MACROD2: variants seen among roughly 807,000 people sequenced by gnomAD.
MACROD2 encodes mono-ADP ribosylhydrolase 2.
In MACROD2, 36 loss-of-function variants were observed where a neutral mutation model predicts 70.4. The ratio of observed to expected loss-of-function variants is 0.51; its 90% CI spans 0.39 to 0.68. The LOEUF (loss-of-function observed/expected upper bound fraction) is 0.68. MACROD2 is among the 30% of genes least tolerant of loss of function. The probability of loss-of-function intolerance (pLI) is 0.00; values close to 1 mark genes in which losing one functional copy is unlikely to be tolerated. For missense variants in MACROD2, 496 were observed against 538.4 expected (o/e 0.92, Z 0.78); for synonymous variants, 172 against 178.8 (o/e 0.96, Z 0.30).
intron 13 of MACROD2, among the ~76,000 whole-genome samples, chr20:15,979,884 C>T (rs143342587): frequency 6.6e-4 from 101 of 152,176 alleles, no homozygotes; most frequent in African/African-American, 2.3e-3. Flanking sequence ...CAGGACGAGC[C>T]GCAGACAAAA....
chr20:14,147,731 C>T (rs1051802935), intron 3 of MACROD2, among the ~76,000 whole-genome samples: 5 of 152,068 alleles, frequency 3.3e-5, no homozygotes, highest in Admixed American at 2.0e-4. Context: ...TTTCCATGCT[C>T]GAGACTTCCA....
chr20:15,623,724 GT>G (rs796736777), intron 8 of MACROD2, among the ~76,000 whole-genome samples: 36 of 128,908 alleles, frequency 2.8e-4, no homozygotes, highest in African/African-American at 8.3e-4. Flanking sequence ...ATCTATCGAT[GT>G]GTCTATGTAT....
chr20:14,631,164 G>A (rs987757521), intron 4 of MACROD2, among the ~76,000 whole-genome samples: 7 of 152,074 alleles, frequency 4.6e-5, no homozygotes, highest in East Asian at 1.9e-4. Flanking sequence ...GAATGGAATC[G>A]CTGTGCCACA....
At chr20:15,095,476 A>G (rs2075823875) in intron 5 of MACROD2, among the ~76,000 whole-genome samples, 1 of 151,860 alleles carries the variant, frequency 6.6e-6, no homozygotes. Context: ...ACCTCTTTGT[A>G]GAAGATTTAT....
chr20:15,668,165 C>T (rs561153159), intron 8 of MACROD2, among the ~76,000 whole-genome samples: 12 of 152,102 alleles, frequency 7.9e-5, no homozygotes, highest in African/African-American at 2.9e-4. Context: ...GAGGCTGAGG[C>T]AGGAGAATCA....
intron 2 of MACROD2, among the ~76,000 whole-genome samples, chr20:14,057,414 A>G (rs1349092868): frequency 6.6e-6 from 1 of 152,212 alleles, no homozygotes; most frequent in African/African-American, 2.4e-5. Flanking sequence ...CTACATCAGT[A>G]TAAAGGACAG....
At position 15,211,639 on chromosome 20, in the gene MACROD2, A is replaced by T. The variant is rs550632649; in HGVS notation, c.419-18301A>T. 5.3e-5 allele frequency among the ~76,000 whole-genome samples: 8 copies of T among 152,144 alleles called. No homozygotes were observed. In the South Asian group the frequency reaches 1.7e-3, roughly 32 times the overall value. On this transcript the variant is annotated intron_variant, in intron 5 of 17. Transcript: ENST00000684519. ...TCTCTCGTCTCTTACCATGTGGCAT[A>T]CTAGCTCCCCTTTGCCTTCCACCAT...
At chr20:14,560,542 A>C (rs777136841) in intron 4 of MACROD2, among the ~76,000 whole-genome samples, 18 of 151,932 alleles carry the variant, frequency 1.2e-4, no homozygotes, top group Non-Finnish European at 2.4e-4. Context: ...AAAATGTCAC[A>C]ACTCATTTTA....
chr20:15,360,592 G>C (rs2078340804), intron 6 of MACROD2, among the ~76,000 whole-genome samples: 2 of 151,726 alleles, frequency 1.3e-5, no homozygotes, highest in African/African-American at 4.8e-5. Context: ...CTTAACTTTT[G>C]GTTGCTGCTT....
chr20:14,661,829 T>C (rs1986242792), intron 4 of MACROD2, among the ~76,000 whole-genome samples: 1 of 152,136 alleles, frequency 6.6e-6, no homozygotes, highest in Non-Finnish European at 1.5e-5. Context: ...TTCCTTCTTT[T>C]TGGTGTTGTA....
intron 8 of MACROD2, among the ~76,000 whole-genome samples, chr20:15,790,238 G>C (rs1001124142): frequency 6.6e-6 from 1 of 151,856 alleles, no homozygotes; most frequent in Non-Finnish European, 1.5e-5. Flanking sequence ...AAATAATTGT[G>C]TGTCATTAAT....
At chr20:15,166,776 C>T (rs1362033058) in intron 5 of MACROD2, among the ~76,000 whole-genome samples, 1 of 151,122 alleles carries the variant, frequency 6.6e-6, no homozygotes, top group Non-Finnish European at 1.5e-5. Context: ...GAAAAAAAGC[C>T]ATTCAAGATT....
At chr20:14,927,418 C>A (rs2122660720) in intron 5 of MACROD2, among the ~76,000 whole-genome samples, 1 of 152,282 alleles carries the variant, frequency 6.6e-6, no homozygotes, top group South Asian at 2.1e-4. Context: ...TGCTATTACC[C>A]ACATATTGTC....
intron 8 of MACROD2, among the ~76,000 whole-genome samples, chr20:15,772,723 G>A (rs998598334): frequency 2.6e-5 from 4 of 152,114 alleles, no homozygotes; most frequent in Middle Eastern, 3.4e-3. Flanking sequence ...AAAGAAGGAG[G>A]AGCTTCTAAA....
At chr20:15,130,585 A>G (rs374388384) in intron 5 of MACROD2, among the ~76,000 whole-genome samples, 263 of 152,216 alleles carry the variant, frequency 1.7e-3, no homozygotes, top group African/African-American at 5.9e-3. Context: ...TGATGTCTCC[A>G]TGATGGCATG....
intron 3 of MACROD2, among the ~76,000 whole-genome samples, chr20:14,395,279 A>G (rs1236343493): frequency 3.4e-4 from 51 of 152,084 alleles, no homozygotes; most frequent in Non-Finnish European, 2.1e-4. Flanking sequence ...TTTAATTTTT[A>G]TAATAGATAT....
intron 15 of MACROD2, among the ~76,000 whole-genome samples, chr20:16,029,901 A>G (rs1568721639): frequency 6.6e-6 from 1 of 152,226 alleles, no homozygotes; most frequent in Non-Finnish European, 1.5e-5. Context: ...AGAAAATTTA[A>G]GAGGACATAC....
At chr20:14,980,282 T>A (rs984332356) in intron 5 of MACROD2, among the ~76,000 whole-genome samples, 2 of 152,102 alleles carry the variant, frequency 1.3e-5, no homozygotes, top group African/African-American at 4.8e-5. Flanking sequence ...TAATGAGTTA[T>A]CTCAGGAGTG....
chr20:15,887,883 G>T lies in MACROD2; in HGVS notation c.775+2072G>T, dbSNP rs375733393. On this transcript the variant is annotated intron_variant, in intron 10 of 17. Transcript: ENST00000684519. ...TTTTCATACTAAGACTTTGAAATTG[G>T]TGTGTGTTTTACATACACGTTCCAG... Among the ~76,000 whole-genome samples the T allele has an allele frequency of 3.3e-5, 5 of 152,012 alleles. No individual in the cohort carries two copies. The East Asian group carries it at 9.6e-4, about 29-fold the overall frequency.
Sources: gnomAD v4.1 joint callset for allele counts (sites outside exome capture counted in the v4.1 genomes callset) on GRCh38, gnomAD v4.1.1 for gene constraint, MANE v1.5 for transcripts, NCBI Gene and HGNC (gene_info 2026-07-23, HGNC 2026-07-21) for gene names.